FAM193A: variants seen among roughly 807,000 people sequenced by gnomAD.
FAM193A encodes the protein protein FAM193A.
FAM193A carries 22 observed loss-of-function variants against 126.5 expected under a neutral mutation model. The ratio of observed to expected loss-of-function variants is 0.17; its 90% CI spans 0.12 to 0.25. The LOEUF (loss-of-function observed/expected upper bound fraction) is 0.25, where lower values mean the gene tolerates loss of function less well. Among genes scored for constraint, FAM193A ranks in the 10% least tolerant of loss-of-function variants. The pLI is 1.00. For missense variants in FAM193A, 1,675 were observed against 1,672.8 expected (o/e 1.00, Z -0.02); for synonymous variants, 761 against 646.8 (o/e 1.18, Z -2.68).
At chr4:2,620,672 A>G (rs1742483955) in intron 2 of FAM193A, among the ~76,000 whole-genome samples, 1 of 151,524 alleles carries the variant, frequency 6.6e-6, no homozygotes, top group Admixed American at 6.6e-5. Context: ...AACGTGGTGT[A>G]ACCCCGTCTC....
chr4:2,726,670 C>T lies in FAM193A; in HGVS notation c.4455-5105C>T, dbSNP rs1577285586. ...CCAAGGCCAGGTACAGTGGCTCATG[C>T]CTGTAATCCCAATACTTTGGGAAGC... On this transcript the variant is annotated intron_variant, in intron 20 of 20. Transcript: ENST00000637812. 2.0e-5 allele frequency among the ~76,000 whole-genome samples: 3 copies of T among 151,378 alleles called. No individual in the cohort carries two copies. The East Asian group carries it at 5.8e-4, about 29-fold the overall frequency.
intron 13 of FAM193A, among the ~76,000 whole-genome samples, chr4:2,689,042 T>G (rs532092951): frequency 6.6e-6 from 1 of 152,360 alleles, no homozygotes; most frequent in Admixed American, 6.5e-5. Flanking sequence ...TACAAATTTC[T>G]CTAGGTCATT....
chr4:2,550,427 CGTTT>C (rs774195740), intron 1 of FAM193A, among the ~76,000 whole-genome samples: 52 of 151,652 alleles, frequency 3.4e-4, no homozygotes, highest in African/African-American at 1.2e-3. Context: ...CCCTCTTGGT[CGTTT>C]GTTTGTTTGT....
chr4:2,620,836 C>CAAAAAAAAAAAAAAAAA (rs34305537), intron 2 of FAM193A, among the ~76,000 whole-genome samples: 12 of 69,094 alleles, frequency 1.7e-4, no homozygotes, highest in African/African-American at 4.2e-4. Flanking sequence ...AACTCCGTCT[C>CAAAAAAAAAAAAAAAAA]AAAAAAAAAA....
chr4:2,640,689 T>A (rs1744526201), intron 6 of FAM193A, among the ~76,000 whole-genome samples: 1 of 152,130 alleles, frequency 6.6e-6, no homozygotes, highest in South Asian at 2.1e-4. Flanking sequence ...TACTTAGGGG[T>A]GTGGTGGCTC....
intron 20 of FAM193A, 66 bp from the exon 21 acceptor site, chr4:2,731,709 T>C: frequency 7.9e-7 from 1 of 1,258,372 alleles, no homozygotes. Flanking sequence ...GTGATGGGCT[T>C]TGCCAAGCAC....
chr4:2,689,090 G>C (rs1716073889), intron 13 of FAM193A, among the ~76,000 whole-genome samples: 1 of 152,256 alleles, frequency 6.6e-6, no homozygotes, highest in Non-Finnish European at 1.5e-5. Context: ...TAAGAGGTCA[G>C]TGTAAGGGTT....
intron 20 of FAM193A, among the ~76,000 whole-genome samples, chr4:2,724,274 A>G (rs1355167638): frequency 6.6e-6 from 1 of 151,966 alleles, no homozygotes; most frequent in Admixed American, 6.6e-5. Context: ...AACTTTCTAT[A>G]TTCATTTATT....
At position 2,548,493 on chromosome 4, in the gene FAM193A, G is replaced by A. The variant is rs191983473; in HGVS notation, c.255+11323G>A. ...TTTTGTTGAGACAGTGTCTCATTCCGTCACCCAGGCTGGAGTGTGGTGGCA... is the reference window on the plus strand; with the variant it reads ...TTTTGTTGAGACAGTGTCTCATTCCATCACCCAGGCTGGAGTGTGGTGGCA... On this transcript the variant is annotated intron_variant, in intron 1 of 20. Transcript: ENST00000637812. 2.4e-4 allele frequency among the ~76,000 whole-genome samples: 35 copies of A among 147,734 alleles called. No individual in the cohort carries two copies. In the East Asian group the frequency reaches 7.1e-3, roughly 30 times the overall value.
At position 2,699,715 on chromosome 4, in the gene FAM193A, G is replaced by C; in HGVS notation, c.3543G>C (p.Arg1181Ser). The change falls in exon 19 of 21, where the codon AGG (arginine) becomes AGC (serine). Residue 1181 changes from arginine (R) to serine (S), a missense_variant. By Grantham distance (110) the Arg-to-Ser change is moderately radical. Transcript: ENST00000637812. The part of the protein sequence containing the change: ...EEKARLEAEA[R>S]AREHLHLQEE... ...AAGCTCGCCTAGAAGCAGAGGCCAG[G>C]GCCCGGGAGCACCTGCACCTCCAGG... 3 of 1,613,332 alleles carry C rather than the reference G, an allele frequency of 1.9e-6. No homozygotes were observed. Among genetic ancestry groups the C allele is most frequent in the Non-Finnish European group, 2.5e-6 (3 of 1,179,740 alleles).
Position 2,731,850 on chromosome 4 carries a change from C to T in FAM193A, c.4530C>T (p.Ala1510=), listed in dbSNP as rs150456012. The T allele has an allele frequency of 1.2e-5, 19 of 1,613,696 alleles. No homozygotes were observed. In the African/African-American group the frequency reaches 2.0e-4, roughly 17 times the overall value. The change falls in exon 21 of 21, where the codon GCC becomes GCT. Residue 1510 remains alanine, a synonymous_variant. Transcript: ENST00000637812. ...INWSNFSLKK[A]TFAAH The stretch of plus-strand genomic sequence containing the variant: ...GGTCCAATTTTAGCTTGAAAAAAGC[C>T]ACCTTTGCTGCCCACTGAATGAGGA...
At chr4:2,567,594 A>G (rs1327445320) in intron 1 of FAM193A, among the ~76,000 whole-genome samples, 3 of 152,194 alleles carry the variant, frequency 2.0e-5, no homozygotes, top group African/African-American at 4.8e-5. Flanking sequence ...GTATGTGAGA[A>G]GATGATTTTA....
chr4:2,642,911 A>G (rs1004025489), intron 6 of FAM193A, among the ~76,000 whole-genome samples: 2 of 151,058 alleles, frequency 1.3e-5, no homozygotes, highest in Non-Finnish European at 3.0e-5. Flanking sequence ...TTTTTTTTGT[A>G]TTTTTAGTAG....
chr4:2,563,616 GAAC>G (rs1738763382), intron 1 of FAM193A, among the ~76,000 whole-genome samples: 1 of 152,128 alleles, frequency 6.6e-6, no homozygotes, highest in Non-Finnish European at 1.5e-5. Flanking sequence ...AGTGTGTGTG[GAAC>G]AACAAGGACA....
intron 7 of FAM193A, among the ~76,000 whole-genome samples, chr4:2,653,934 C>T (rs1745920595): frequency 6.6e-6 from 1 of 152,092 alleles, no homozygotes; most frequent in Admixed American, 6.6e-5. Flanking sequence ...GTTCTTGAGG[C>T]CAGAAGTTCA....
intron 15 of FAM193A, among the ~76,000 whole-genome samples, chr4:2,691,825 A>G (rs1413780113): frequency 6.6e-6 from 1 of 152,152 alleles, no homozygotes; most frequent in Non-Finnish European, 1.5e-5. Flanking sequence ...TAGCATACAA[A>G]TAAAGTCAAG....
At chr4:2,726,744 C>T (rs965238037) in intron 20 of FAM193A, among the ~76,000 whole-genome samples, 23 of 136,844 alleles carry the variant, frequency 1.7e-4, no homozygotes, top group African/African-American at 5.9e-4. Flanking sequence ...CCATCCTGGC[C>T]GACATGGTGA....
In FAM193A at chr4:2,558,641, G is replaced by A. The variant is rs145786234; in HGVS notation, c.255+21471G>A. ...AGCAATCCTCCTGCCTTAGCCTCCT[G>A]GGTATTTGGGATGACTGGGATCACA... On this transcript the variant is annotated intron_variant, in intron 1 of 20. Transcript: ENST00000637812. Among the ~76,000 whole-genome samples, 656 of 152,276 alleles carry A rather than the reference G, an allele frequency of 4.3e-3. 3 individuals carry two copies. The highest frequency in any genetic ancestry group is 0.015 in the African/African-American group (632 of 41,556).
At chr4:2,537,884 G>A (rs865781240) in intron 1 of FAM193A, among the ~76,000 whole-genome samples, 2 of 152,290 alleles carry the variant, frequency 1.3e-5, no homozygotes, top group Middle Eastern at 3.4e-3. Flanking sequence ...GAATTTGAAA[G>A]GTGATTTTTT....
Sources: gnomAD v4.1 joint callset for allele counts (sites outside exome capture counted in the v4.1 genomes callset) on GRCh38, gnomAD v4.1.1 for gene constraint, MANE v1.5 for transcripts, NCBI Gene and HGNC (gene_info 2026-07-23, HGNC 2026-07-21) for gene names.